The following EIF4G1 variants were observed in gnomAD, a reference collection of about 807,000 sequenced individuals.
EIF4G1 encodes EIF4-gamma.
EIF4G1 carries 4 observed loss-of-function variants against 187.8 expected under a neutral mutation model. The observed-to-expected ratio is 0.02, with a 90% CI of 0.01 to 0.05. The LOEUF is 0.05. EIF4G1 is among the 10% of genes least tolerant of loss of function. EIF4G1 has a pLI of 1.00. For synonymous variants in EIF4G1, 844 were observed against 781.4 expected, an observed-to-expected ratio of 1.08 and a Z score of -1.34; for missense variants, 1,647 against 2,081.1, an observed-to-expected ratio of 0.79 and a Z score of 4.06.
chr3:184,326,323 C>CT (rs1355749119), intron 21 of EIF4G1, among the ~76,000 whole-genome samples: 9 of 152,344 alleles, frequency 5.9e-5, no homozygotes, highest in African/African-American at 2.2e-4. Flanking sequence ...GGAACACAGT[C>CT]ACAGCATGCC....
Position 184,319,782 on chromosome 3 carries a change from C to T in EIF4G1, c.518C>T (p.Pro173Leu). Reference protein sequence around the residue: ...VLMNQPPQIAPKRERKTIRIR... With the variant: ...VLMNQPPQIALKRERKTIRIR... ...ATGAACCAGCCACCCCAGATTGCTC[C>T]CAAGAGGGAGCGTAAGACGGTGAGT... is the stretch of plus-strand genomic sequence containing the variant. The change falls in exon 7 of 33, where the codon CCC becomes CTC. Residue 173 changes from proline (P) to leucine (L), a missense_variant. By Grantham distance (98) the Pro-to-Leu change is moderately conservative (BLOSUM62 -3). Transcript: ENST00000346169. The T allele has an allele frequency of 1.2e-6, 2 of 1,604,378 alleles. No homozygotes were observed. Among genetic ancestry groups the T allele is most frequent in the Non-Finnish European group, 8.5e-7 (1 of 1,175,612 alleles).
At position 184,327,354 on chromosome 3, in the gene EIF4G1, A is replaced by G. The variant is rs778278428; in HGVS notation, c.3567A>G (p.Glu1189=). ...CTACCAAGCGGAGCTTCAGCAAGGA[A>G]GTGGAGGAGCGGAGTAGAGAACGGC... is the stretch of plus-strand genomic sequence containing the variant. ...TPATKRSFSK[E]VEERSRERPS... The change falls in exon 24 of 33, where the codon GAA becomes GAG. Residue 1189 remains glutamate, a synonymous_variant. Transcript: ENST00000346169. 1.2e-6 allele frequency: 2 copies of G among 1,613,776 alleles called. No homozygotes were observed. Among genetic ancestry groups the G allele is most frequent in the South Asian group, 2.2e-5 (2 of 91,086 alleles).
At chr3:184,331,235 TGGTAAGCTG>T in intron 28 of EIF4G1, 22 bp from the exon 29 acceptor site, 10 of 1,610,974 alleles carry the variant, frequency 6.2e-6, no homozygotes, top group Non-Finnish European at 8.5e-6. Context: ...GAGAGAGCTT[TGGTAAGCTG>T]GGTTGGTCTT....
rs775572403 is a variant in EIF4G1 at position 184,331,991 on chromosome 3, C to T, written c.4523C>T (p.Ala1508Val). ...GACGTTGCAGTGCTGAAAGCGCGAG[C>T]GAAGCTGCTGCAGAAATACCTGTGT... ...RVDVAVLKAR[A>V]KLLQKYLCDE... Residue 1508 changes from alanine (A) to valine (V), a missense_variant, in exon 32 of 33, where the codon GCG becomes GTG. Around this residue, in one of 11 missense-constraint regions of EIF4G1, gnomAD observed 543 missense variants for 638.0 expected, o/e 0.85. Transcript: ENST00000346169. 8 of 1,614,170 alleles carry T rather than the reference C, an allele frequency of 5.0e-6. No homozygotes were observed. Among genetic ancestry groups the T allele is most frequent in the Admixed American group, 1.7e-5 (1 of 60,030 alleles).
chr3:184,327,645 G>C lies in EIF4G1; in HGVS notation c.3721G>C (p.Glu1241Gln), dbSNP rs762503348. ...SPLKAALSEE[E>Q]LEKKSKAIIE... is the part of the protein sequence containing the mutation. ...CCTGAAGGCGGCTCTCTCTGAGGAGGAGTTAGAGAAGAAATCCAAGGCTAT... is the reference window on the plus strand; with the variant it reads ...CCTGAAGGCGGCTCTCTCTGAGGAGCAGTTAGAGAAGAAATCCAAGGCTAT... The change falls in exon 25 of 33, where the codon GAG becomes CAG. Residue 1241 changes from glutamate to glutamine, a missense_variant. Coordinates refer to ENST00000346169, the MANE Select transcript of EIF4G1 (RefSeq NM_198241.3). The C allele has an allele frequency of 6.2e-7, 1 of 1,614,220 alleles. No homozygotes were observed. The highest frequency in any genetic ancestry group is 1.7e-5 in the Admixed American group (1 of 60,034).
rs768955084 is a variant in EIF4G1 at position 184,335,080 on chromosome 3, C to G, written c.*172C>G. ...AGGATGGCTTGGGGCTGCCTGGGCC[C>G]CCCTCCAGGATGCCGCCAGGTGTCC... On this transcript the variant is annotated 3_prime_UTR_variant, in exon 33 of 33. Transcript: ENST00000346169. The G allele has an allele frequency of 2.9e-4, 240 of 834,300 alleles. No individual in the cohort carries two copies. The highest frequency in any genetic ancestry group is 4.2e-4 in the Non-Finnish European group (226 of 532,470). The allele number at this position is 834,300 out of a possible 1,614,324, so 51.7% of individuals were successfully genotyped here.
intron 32 of EIF4G1, among the ~76,000 whole-genome samples, chr3:184,332,968 T>C (rs1466804045): frequency 4.6e-5 from 7 of 152,100 alleles, no homozygotes; most frequent in Non-Finnish European, 1.5e-5. Flanking sequence ...ATAAAGGAAT[T>C]TGATTTTAGT....
At position 184,327,670 on chromosome 3, in the gene EIF4G1, T is replaced by C; in HGVS notation, c.3746T>C (p.Ile1249Thr). ...GAGTTAGAGAAGAAATCCAAGGCTA[T>C]CATTGAGGAATATCTCCATCTCAAT... ...EEELEKKSKA[I>T]IEEYLHLNDM... Residue 1249 changes from isoleucine to threonine, a missense_variant, in exon 25 of 33, where the codon ATC (isoleucine) becomes ACC (threonine). Around this residue, in one of 11 missense-constraint regions of EIF4G1, gnomAD observed 543 missense variants for 638.0 expected, o/e 0.85. Coordinates refer to ENST00000346169, the MANE Select transcript of EIF4G1 (RefSeq NM_198241.3). The C allele has an allele frequency of 6.2e-7, 1 of 1,614,196 alleles. No homozygotes were observed. The highest frequency in any genetic ancestry group is 8.5e-7 in the Non-Finnish European group (1 of 1,180,026).
chr3:184,327,507 C>A, intron 24 of EIF4G1, 59 bp downstream of exon 24: 3 of 1,610,132 alleles, frequency 1.9e-6, no homozygotes, highest in Non-Finnish European at 1.7e-6. Flanking sequence ...ACTAGCTGGT[C>A]CCCAGCTTTT....
At chr3:184,331,447 T>C (rs1726083402) in intron 29 of EIF4G1, 25 bp from the exon 30 acceptor site, 1 of 1,614,044 alleles carries the variant, frequency 6.2e-7, no homozygotes, top group African/African-American at 1.3e-5. Flanking sequence ...CCTTACCTCT[T>C]AACTGCGGGC....
rs1724157813 is a variant in EIF4G1, at chr3:184,322,921, A to T, written c.1896A>T (p.Gly632=). 6.2e-7 allele frequency: 1 copy of T among 1,614,126 alleles called. No individual in the cohort carries two copies. Among genetic ancestry groups the T allele is most frequent in the Non-Finnish European group, 8.5e-7 (1 of 1,180,032 alleles). ...TTGCCAGTATGCAGAAGCCAGAGGGATTGCCACATATCAGTGACGTGGTGC... is the reference window on the plus strand; with the variant it reads ...TTGCCAGTATGCAGAAGCCAGAGGGTTTGCCACATATCAGTGACGTGGTGC... The part of the protein sequence containing the change: ...FIFASMQKPE[G]LPHISDVVLD... The change falls in exon 13 of 33, where the codon GGA becomes GGT. Residue 632 remains glycine (G), a synonymous_variant. Coordinates refer to ENST00000346169, the MANE Select transcript of EIF4G1 (RefSeq NM_198241.3).
intron 9 of EIF4G1, 113 bp downstream of exon 9, chr3:184,321,106 A>G: frequency 1.3e-6 from 2 of 1,504,874 alleles, no homozygotes; most frequent in Non-Finnish European, 1.8e-6. Context: ...CTTAGATTTC[A>G]GGTTGTGGGA....
At chr3:184,316,270 G>A in intron 4 of EIF4G1, 52 bp downstream of exon 4, 1 of 1,604,214 alleles carries the variant, frequency 6.2e-7, no homozygotes, top group South Asian at 1.1e-5. Context: ...GCAGTGGAAA[G>A]CTTTGGCCAG....
At position 184,317,462 on chromosome 3, in the gene EIF4G1, C is replaced by T; in HGVS notation, c.289C>T (p.Pro97Ser). The part of the protein sequence containing the change: ...VMMIPSQISY[P>S]ASQGAYYIPG... ...GATGATCCCTTCCCAGATCTCCTAC[C>T]CAGCCTCCCAGGGGGCCTACTACAT... The change falls in exon 5 of 33, where the codon CCA becomes TCA. Residue 97 changes from proline to serine, a missense_variant. Physicochemically the swap from Pro to Ser is moderately conservative, Grantham distance 74. Around this residue, in one of 11 missense-constraint regions of EIF4G1, gnomAD observed 139 missense variants for 187.3 expected, o/e 0.74. Coordinates refer to ENST00000346169, the MANE Select transcript of EIF4G1 (RefSeq NM_198241.3). The T allele has an allele frequency of 6.2e-7, 1 of 1,614,058 alleles. No individual in the cohort carries two copies. The highest frequency in any genetic ancestry group is 8.5e-7 in the Non-Finnish European group (1 of 1,179,994).
chr3:184,319,477 G>T (rs970421175), intron 6 of EIF4G1: 1 of 440,994 alleles, frequency 2.3e-6, no homozygotes, highest in Non-Finnish European at 4.2e-6. Flanking sequence ...TTGTGTGTGT[G>T]TGTGTGTTAG....
Position 184,323,589 on chromosome 3 carries a change from C to T in EIF4G1, c.2270C>T (p.Thr757Ile). 1 of 1,614,050 alleles carries T rather than the reference C, an allele frequency of 6.2e-7. No homozygotes were observed. The highest frequency in any genetic ancestry group is 8.5e-7 in the Non-Finnish European group (1 of 1,180,048). ...GAAGAAGATGCTGATGGCAGCAAAA[C>T]CCAGGTACTGGCAAGTCCTGCTTTT... ...RGEEDADGSK[T>I]QDLFRRVRSI... The change falls in exon 15 of 33, where the codon ACC becomes ATC. Residue 757 changes from threonine to isoleucine, a missense_variant. Around this residue, in one of 11 missense-constraint regions of EIF4G1, gnomAD observed 140 missense variants for 222.2 expected, o/e 0.63. Coordinates refer to ENST00000346169, the MANE Select transcript of EIF4G1 (RefSeq NM_198241.3). The surrounding 1 kb of genome is among the most constrained non-coding windows in gnomAD (Gnocchi z 6.9).
rs773767965 is a variant in EIF4G1 at position 184,321,013 on chromosome 3, G to A, written c.697+20G>A. The A allele has an allele frequency of 1.4e-5, 23 of 1,612,338 alleles. No individual in the cohort carries two copies. The East Asian group carries it at 2.2e-4, about 16-fold the overall frequency. On this transcript the variant is annotated intron_variant, in intron 9 of 32. Coordinates refer to ENST00000346169, the MANE Select transcript of EIF4G1 (RefSeq NM_198241.3). ...GGCCAGGTAAGTAAGCCGGTGGGAC[G>A]GAGCTTTTATGGGGAAAGGGAATGT...
chr3:184,325,253 C>G lies in EIF4G1; in HGVS notation c.2857-16C>G. The G allele has an allele frequency of 6.2e-7, 1 of 1,613,668 alleles. No individual in the cohort carries two copies. Among genetic ancestry groups the G allele is most frequent in the Non-Finnish European group, 8.5e-7 (1 of 1,179,618 alleles). On this transcript the variant is annotated splice_polypyrimidine_tract_variant and intron_variant, in intron 18 of 32. Coordinates refer to ENST00000346169, the MANE Select transcript of EIF4G1 (RefSeq NM_198241.3). The surrounding 1 kb of genome is among the most constrained non-coding windows in gnomAD (Gnocchi z 5.2). ...GACATGAGAAGTTCCTGGTCTGATG[C>G]CTTTCTCCTTCCTAGCCCCGAATGG... is the stretch of plus-strand genomic sequence containing the variant.
Position 184,330,143 on chromosome 3 carries a change from G to T in EIF4G1, c.4162-1123G>T, listed in dbSNP as rs532704759. Among the ~76,000 whole-genome samples, 26 of 152,274 alleles carry T rather than the reference G, an allele frequency of 1.7e-4. No individual in the cohort carries two copies. The East Asian group carries it at 5.0e-3, about 29-fold the overall frequency. ...GGTAATCCCAGCACTTTGGGAGGCA[G>T]AGGTGGGTGGATCACGTGAGGTCAG... On this transcript the variant is annotated intron_variant, in intron 28 of 32. Coordinates refer to ENST00000346169, the MANE Select transcript of EIF4G1 (RefSeq NM_198241.3).
Sources: allele counts gnomAD v4.1 joint callset (sites outside exome capture counted in the v4.1 genomes callset), GRCh38; gene constraint gnomAD v4.1.1; regional missense constraint gnomAD v4.1.1; non-coding constraint Gnocchi (gnomAD v3.1); transcripts MANE v1.5; gene names NCBI Gene and HGNC (gene_info 2026-07-23, HGNC 2026-07-21).